The following ZC3H13 variants were observed in gnomAD, a reference collection of about 807,000 sequenced individuals.
ZC3H13 encodes zinc finger CCCH-type containing 13, also known as zinc finger CCCH domain-containing protein 13.
In ZC3H13, 64 loss-of-function variants were observed where a neutral mutation model predicts 204.1. The observed-to-expected ratio is 0.31, with a 90% confidence interval of 0.26 to 0.39. The LOEUF (loss-of-function observed/expected upper bound fraction) is 0.39, where lower values mean the gene tolerates loss of function less well. ZC3H13 is among the 10% of genes least tolerant of loss of function. ZC3H13 has a pLI of 1.00. For missense variants in ZC3H13, 1,833 were observed against 2,082.7 expected (o/e 0.88, Z 2.33); for synonymous variants, 667 against 693.7 (o/e 0.96, Z 0.60).
At chr13:46,020,936 T>A in intron 4 of ZC3H13, among the ~76,000 whole-genome samples, 1 of 152,006 alleles carries the variant, frequency 6.6e-6, no homozygotes, top group Non-Finnish European at 1.5e-5. Flanking sequence ...AGTTTCCACG[T>A]GAAAACCACT....
At chr13:46,003,950 G>T (rs1223803458) in intron 7 of ZC3H13, among the ~76,000 whole-genome samples, 2 of 152,132 alleles carry the variant, frequency 1.3e-5, no homozygotes, top group African/African-American at 4.8e-5. Flanking sequence ...TCTTGGCTAT[G>T]ACACCAAAGG....
intron 4 of ZC3H13, among the ~76,000 whole-genome samples, chr13:46,022,466 C>T (rs6561281): frequency 0.75 from 113,817 of 151,762 alleles, 43,162 homozygotes; most frequent in African/African-American, 0.85. Context: ...TTCTCTTATA[C>T]TCAAATAAAT....
chr13:46,034,031 A>G (rs910876114), intron 4 of ZC3H13, among the ~76,000 whole-genome samples: 8 of 152,306 alleles, frequency 5.3e-5, no homozygotes, highest in Non-Finnish European at 8.8e-5. Flanking sequence ...AAAGATATAC[A>G]TAAGATCAGA....
chr13:45,979,908 T>C lies in ZC3H13; in HGVS notation c.1817A>G (p.Asp606Gly), dbSNP rs1163493358. 6.2e-7 allele frequency: 1 copy of C among 1,612,660 alleles called. No homozygotes were observed. Among genetic ancestry groups the C allele is most frequent in the Non-Finnish European group, 8.5e-7 (1 of 1,179,310 alleles). Residue 606 changes from aspartate (D) to glycine (G), a missense_variant, in exon 11 of 19, where the codon GAT (aspartate) becomes GGT (glycine). By Grantham distance (94) the Asp-to-Gly change is moderately conservative. Around this residue, in one of 5 missense-constraint regions of ZC3H13, gnomAD observed 1,574 missense variants for 1,757.2 expected, o/e 0.90. Coordinates refer to ENST00000679008, the MANE Select transcript of ZC3H13 (RefSeq NM_001330564.2). ...WETRSSYPERDRYPERDNRDQ... is the reference protein window; with the variant it reads ...WETRSSYPERGRYPERDNRDQ... ...TCTGTTGTCTCTTTCAGGATATCTA[T>C]CTCTTTCAGGATAGCTACTTCGAGT...
At chr13:45,981,113 G>C (rs962285219) in intron 10 of ZC3H13, among the ~76,000 whole-genome samples, 3 of 152,138 alleles carry the variant, frequency 2.0e-5, no homozygotes, top group African/African-American at 7.2e-5. Context: ...GAGCAGTGAG[G>C]GTTAGGAGTA....
intron 18 of ZC3H13, 111 bp downstream of exon 18, chr13:45,959,372 G>T: frequency 8.9e-7 from 1 of 1,123,570 alleles, no homozygotes; most frequent in Non-Finnish European, 1.2e-6. Flanking sequence ...AAAAGATTAG[G>T]AAACCAAACT....
chr13:45,959,264 G>T (rs1014262183), intron 18 of ZC3H13, among the ~76,000 whole-genome samples: 2 of 152,058 alleles, frequency 1.3e-5, no homozygotes, highest in South Asian at 2.1e-4. Flanking sequence ...AACAGAAATG[G>T]AATATTTTAA....
Position 46,046,502 on chromosome 13 carries a change from C to CA in ZC3H13, c.-9-987dup, listed in dbSNP as rs1289336036. 4.2e-3 allele frequency among the ~76,000 whole-genome samples: 527 copies of CA among 125,658 alleles called. 9 individuals carry two copies. Among genetic ancestry groups the CA allele is most frequent in the African/African-American group, 0.012 (391 of 32,812 alleles). The allele number at this position is 125,658 out of a possible 152,430, so 82.4% of individuals were successfully genotyped here. ...CAAAACTCCGTCTCTACTAAAAATA[C>CA]AAAAAAAAAAAAAAAATTAGCTGGG... On this transcript the variant is annotated intron_variant, in intron 1 of 18. Transcript: ENST00000679008.
chr13:45,969,016 T>C lies in ZC3H13; in HGVS notation c.3528A>G (p.Glu1176=), dbSNP rs556808172. The change falls in exon 14 of 19, where the codon GAA becomes GAG. Residue 1176 remains glutamate, a synonymous_variant. Coordinates refer to ENST00000679008, the MANE Select transcript of ZC3H13 (RefSeq NM_001330564.2). The stretch of plus-strand genomic sequence containing the variant: ...CCATAGGCTTGCGATGCTGTGCATC[T>C]TCTATAGTCACGTGAGGCGTCTCTA... ...EKVETPHVTI[E]DAQHRKPMDQ... is the part of the protein sequence containing the mutation. 7 of 1,614,236 alleles carry C rather than the reference T, an allele frequency of 4.3e-6. No homozygotes were observed. In the South Asian group the frequency reaches 6.6e-5, roughly 15 times the overall value.
intron 1 of ZC3H13, among the ~76,000 whole-genome samples, chr13:46,049,110 C>T (rs1344330084): frequency 6.6e-6 from 1 of 150,618 alleles, no homozygotes; most frequent in Non-Finnish European, 1.5e-5. Context: ...CGAGATCGCG[C>T]CACTGCACTC....
At chr13:46,023,295 C>T (rs1397932098) in intron 4 of ZC3H13, among the ~76,000 whole-genome samples, 1 of 152,158 alleles carries the variant, frequency 6.6e-6, no homozygotes, top group Non-Finnish European at 1.5e-5. Flanking sequence ...CTTCCCATTT[C>T]CAGACAGTTC....
chr13:46,027,200 G>C (rs1332597653), intron 4 of ZC3H13, among the ~76,000 whole-genome samples: 1 of 152,066 alleles, frequency 6.6e-6, no homozygotes, highest in Non-Finnish European at 1.5e-5. Context: ...TGCTTCCTGG[G>C]CTCAAGCCAT....
intron 1 of ZC3H13, among the ~76,000 whole-genome samples, chr13:46,049,926 T>G (rs1372304118): frequency 6.6e-6 from 1 of 152,162 alleles, no homozygotes; most frequent in Non-Finnish European, 1.5e-5. Context: ...TTTTCCTCCA[T>G]TTTTGTTTTC....
intron 3 of ZC3H13, 27 bp from the exon 4 acceptor site, chr13:46,042,302 C>G: frequency 6.5e-7 from 1 of 1,541,194 alleles, no homozygotes. Flanking sequence ...AGAAACAAAA[C>G]AAAAAACGAA....
intron 4 of ZC3H13, among the ~76,000 whole-genome samples, chr13:46,024,348 T>C (rs2138869598): frequency 6.6e-6 from 1 of 152,344 alleles, no homozygotes; most frequent in East Asian, 1.9e-4. Context: ...TTAAATATTC[T>C]CTATTTAGTG....
intron 8 of ZC3H13, among the ~76,000 whole-genome samples, chr13:45,992,156 G>C (rs1447593687): frequency 6.6e-6 from 1 of 151,998 alleles, no homozygotes; most frequent in Non-Finnish European, 1.5e-5. Flanking sequence ...TCTGTTTTCA[G>C]TGATAAAATA....
chr13:45,963,606 A>C lies in ZC3H13; in HGVS notation c.4675+236T>G, dbSNP rs2137795761. 17 of 1,297,416 alleles carry C rather than the reference A, an allele frequency of 1.3e-5. No homozygotes were observed. In the South Asian group the frequency reaches 2.6e-4, roughly 20 times the overall value. The allele number at this position is 1,297,416 out of a possible 1,614,324, so 80.4% of individuals were successfully genotyped here. A position where few individuals can be genotyped will look rare whatever the true frequency, so the allele number is the denominator to read the frequency against. Reference sequence around the variant, plus strand: ...CCTGGCCTGTTAATAAGTAATTTTCATACAAAAAGGTCATTGTACTCTTTT... The same window carrying C: ...CCTGGCCTGTTAATAAGTAATTTTCCTACAAAAAGGTCATTGTACTCTTTT... On this transcript the variant is annotated intron_variant, in intron 17 of 18. Coordinates refer to ENST00000679008, the MANE Select transcript of ZC3H13 (RefSeq NM_001330564.2).
Position 46,034,906 on chromosome 13 carries a change from T to C in ZC3H13, c.339+7258A>G, listed in dbSNP as rs184134967. Among the ~76,000 whole-genome samples the C allele has an allele frequency of 5.9e-5, 9 of 152,264 alleles. No individual in the cohort carries two copies. In the East Asian group the frequency reaches 1.7e-3, roughly 29 times the overall value. On this transcript the variant is annotated intron_variant, in intron 4 of 18. Transcript: ENST00000679008. ...CTTAATACAGATAACAGATGGTCAC[T>C]AGAAATATTTATATATACCAGTTAG...
intron 4 of ZC3H13, among the ~76,000 whole-genome samples, chr13:46,033,017 G>A (rs142379287): frequency 1.6e-4 from 24 of 151,868 alleles, no homozygotes; most frequent in East Asian, 1.2e-3. Flanking sequence ...TAAAACAGCC[G>A]GATTACCCAA....
Sources: gnomAD v4.1 joint callset for allele counts (sites outside exome capture counted in the v4.1 genomes callset) on GRCh38, gnomAD v4.1.1 for gene constraint, gnomAD v4.1.1 regional missense constraint, MANE v1.5 for transcripts, NCBI Gene and HGNC (gene_info 2026-07-23, HGNC 2026-07-21) for gene names.